PTPRQ: variants seen among roughly 807,000 people sequenced by gnomAD.
PTPRQ encodes the protein phosphatidylinositol phosphatase PTPRQ.
Under a neutral mutation model 246.0 loss-of-function variants are expected in PTPRQ, and 199 were observed. The observed-to-expected ratio is 0.81, with a 90% CI of 0.72 to 0.91. The LOEUF (loss-of-function observed/expected upper bound fraction) is 0.91. Among genes scored for constraint, PTPRQ ranks in the 40% least tolerant of loss-of-function variants. The pLI is 0.00. For missense variants in PTPRQ, 2,624 were observed against 2,528.4 expected, an observed-to-expected ratio of 1.04 and a Z score of -0.81; for synonymous variants, 869 against 853.2, an observed-to-expected ratio of 1.02 and a Z score of -0.32.
chr12:80,632,913 G>A (rs1196703545), intron 34 of PTPRQ, among the ~76,000 whole-genome samples: 1 of 152,164 alleles, frequency 6.6e-6, no homozygotes, highest in Non-Finnish European at 1.5e-5. Context: ...TGGGCAGAAC[G>A]TTCACTTCAG....
At chr12:80,675,803 AAAG>A (rs1400868429) in intron 43 of PTPRQ, among the ~76,000 whole-genome samples, 2 of 152,172 alleles carry the variant, frequency 1.3e-5, no homozygotes, top group African/African-American at 2.4e-5. Flanking sequence ...CAGGGATTAG[AAAG>A]AAGGTTTTTG....
chr12:80,497,506 C>T (rs4636733), intron 14 of PTPRQ, among the ~76,000 whole-genome samples: 129,328 of 151,958 alleles, frequency 0.85, 55,897 homozygotes, highest in Non-Finnish European at 0.93. Flanking sequence ...TAACAGGCCA[C>T]CAGCTGGTAC....
intron 8 of PTPRQ, among the ~76,000 whole-genome samples, chr12:80,475,435 G>A (rs886818446): frequency 6.6e-6 from 1 of 151,998 alleles, no homozygotes; most frequent in African/African-American, 2.4e-5. Context: ...GTATCGACTT[G>A]AGAATGACTC....
intron 26 of PTPRQ, among the ~76,000 whole-genome samples, chr12:80,595,987 A>G (rs1430278407): frequency 6.6e-6 from 1 of 152,144 alleles, no homozygotes; most frequent in African/African-American, 2.4e-5. Context: ...TATTTCAAAC[A>G]GTGAAGGAAA....
intron 6 of PTPRQ, among the ~76,000 whole-genome samples, 168 bp from the exon 7 acceptor site, chr12:80,468,542 C>T (rs1430388612): frequency 2.6e-5 from 4 of 152,096 alleles, no homozygotes; most frequent in African/African-American, 9.7e-5. Context: ...GTGTTATTCA[C>T]AATTTTCAAT....
intron 30 of PTPRQ, among the ~76,000 whole-genome samples, chr12:80,617,870 A>G (rs1898823208): frequency 6.6e-6 from 1 of 151,422 alleles, no homozygotes; most frequent in African/African-American, 2.4e-5. Context: ...CTAACTGGAA[A>G]TCTTTTCCTG....
intron 5 of PTPRQ, 64 bp from the exon 6 acceptor site, chr12:80,460,589 C>G (rs1400895876): frequency 2.5e-6 from 1 of 397,862 alleles, no homozygotes; most frequent in Non-Finnish European, 4.4e-6. Flanking sequence ...ATTACATGTT[C>G]TTATTCTTAT....
chr12:80,454,895 G>A lies in PTPRQ; in HGVS notation c.391-2680G>A, dbSNP rs138721507. Reference sequence around the variant, plus strand: ...AAAGCTTTTAAAAACAGATAGCTTCGGCTGGGTGCAGTGCCTCATGCCTGT... The same window carrying A: ...AAAGCTTTTAAAAACAGATAGCTTCAGCTGGGTGCAGTGCCTCATGCCTGT... On this transcript the variant is annotated intron_variant, in intron 3 of 44. Coordinates refer to ENST00000644991, the MANE Select transcript of PTPRQ (RefSeq NM_001145026.2). Among the ~76,000 whole-genome samples, 437 of 152,222 alleles carry A rather than the reference G, an allele frequency of 2.9e-3. 2 individuals are homozygous for A. The highest frequency in any genetic ancestry group is 9.9e-3 in the African/African-American group (411 of 41,554).
rs376542828 is a variant in PTPRQ at position 80,498,635 on chromosome 12, T to C, written c.2272+2104T>C. 4.6e-5 allele frequency among the ~76,000 whole-genome samples: 7 copies of C among 152,212 alleles called. No homozygotes were observed. The East Asian group carries it at 1.2e-3, about 25-fold the overall frequency. ...TTTTTGAAGTAATCAACAAAGCTGG[T>C]AAATTATAAACTATATCTAAGATCT... is the stretch of plus-strand genomic sequence containing the variant. On this transcript the variant is annotated intron_variant, in intron 14 of 44. Coordinates refer to ENST00000644991, the MANE Select transcript of PTPRQ (RefSeq NM_001145026.2).
chr12:80,494,582 T>C (rs1461670906), intron 10 of PTPRQ, among the ~76,000 whole-genome samples: 1 of 151,964 alleles, frequency 6.6e-6, no homozygotes, highest in Non-Finnish European at 1.5e-5. Context: ...TACTCTTTCT[T>C]TTCAGAAAAC....
chr12:80,574,639 C>G (rs1470701977), intron 25 of PTPRQ, among the ~76,000 whole-genome samples: 1 of 152,098 alleles, frequency 6.6e-6, no homozygotes, highest in Non-Finnish European at 1.5e-5. Flanking sequence ...CTTATATCTA[C>G]TTAATTTATG....
chr12:80,549,689 G>A lies in PTPRQ; in HGVS notation c.4240G>A (p.Glu1414Lys), dbSNP rs1410851259. ...FKVRASTSAG[E>K]GDESTCHVST... ...AGTAAGAGCTTCAACCTCAGCTGGT[G>A]AAGGTGATGAAAGCACATGCCATGT... is the stretch of plus-strand genomic sequence containing the variant. Residue 1414 changes from glutamate (E) to lysine (K), a missense_variant, in exon 25 of 45, where the codon GAA (glutamate) becomes AAA (lysine). Coordinates refer to ENST00000644991, the MANE Select transcript of PTPRQ (RefSeq NM_001145026.2). The A allele has an allele frequency of 1.9e-6, 3 of 1,550,976 alleles. No individual in the cohort carries two copies. Among genetic ancestry groups the A allele is most frequent in the Non-Finnish European group, 2.6e-6 (3 of 1,146,474 alleles).
intron 17 of PTPRQ, among the ~76,000 whole-genome samples, chr12:80,523,526 A>G (rs1895579300): frequency 6.6e-6 from 1 of 152,114 alleles, no homozygotes; most frequent in African/African-American, 2.4e-5. Flanking sequence ...CCCTCTACAC[A>G]CTGCTTTGAA....
chr12:80,662,054 C>A (rs529054039), intron 39 of PTPRQ, among the ~76,000 whole-genome samples: 1 of 151,968 alleles, frequency 6.6e-6, no homozygotes, highest in East Asian at 1.9e-4. Flanking sequence ...AACTTACTGC[C>A]TTCTTCTATA....
intron 44 of PTPRQ, 85 bp from the exon 45 acceptor site, chr12:80,678,901 C>A: frequency 1.4e-6 from 2 of 1,469,270 alleles, no homozygotes; most frequent in South Asian, 1.5e-5. Context: ...CCCTTTCTGT[C>A]TACATTATAT....
intron 40 of PTPRQ, 79 bp from the exon 41 acceptor site, chr12:80,669,260 C>G (rs1025793322): frequency 1.3e-6 from 2 of 1,527,526 alleles, no homozygotes; most frequent in African/African-American, 2.8e-5. Flanking sequence ...GTAATTTTAA[C>G]TTAGTCGTAA....
At chr12:80,624,443 G>A (rs943297914) in intron 33 of PTPRQ, among the ~76,000 whole-genome samples, 2 of 152,174 alleles carry the variant, frequency 1.3e-5, no homozygotes, top group Admixed American at 1.3e-4. Context: ...TTGCCCTACA[G>A]TGCTTATTCT....
chr12:80,639,056 C>G (rs1002557411), intron 35 of PTPRQ, among the ~76,000 whole-genome samples: 1 of 152,152 alleles, frequency 6.6e-6, no homozygotes, highest in Non-Finnish European at 1.5e-5. Context: ...TCTTAGAGCT[C>G]TTATTGGCAA....
rs765073287 is a variant in PTPRQ at position 80,541,631 on chromosome 12, G to T, written c.3231G>T (p.Pro1077=). Residue 1077 remains proline, a synonymous_variant, in exon 21 of 45, where the codon CCG becomes CCT. Coordinates refer to ENST00000644991, the MANE Select transcript of PTPRQ (RefSeq NM_001145026.2). ...CAATAAATGTAAGCTGGGTCCCACCGGCTCAACCAAACGGTCTAGTCTTCT... is the reference window on the plus strand; with the variant it reads ...CAATAAATGTAAGCTGGGTCCCACCTGCTCAACCAAACGGTCTAGTCTTCT... ...STAINVSWVP[P]AQPNGLVFYY... 6.5e-7 allele frequency: 1 copy of T among 1,547,878 alleles called. No individual in the cohort carries two copies. Among genetic ancestry groups the T allele is most frequent in the Non-Finnish European group, 8.7e-7 (1 of 1,145,062 alleles).
Sources: allele counts gnomAD v4.1 joint callset (sites outside exome capture counted in the v4.1 genomes callset), GRCh38; gene constraint gnomAD v4.1.1; transcripts MANE v1.5; gene names NCBI Gene and HGNC (gene_info 2026-07-23, HGNC 2026-07-21).